Variants in MID1 observed in about 807,000 individuals in gnomAD.
MID1 encodes the protein E3 ubiquitin-protein ligase Midline-1.
MID1 carries 7 observed loss-of-function variants against 40.4 expected under a neutral mutation model. The ratio of observed to expected loss-of-function variants is 0.17; its 90% CI spans 0.10 to 0.33. The LOEUF (loss-of-function observed/expected upper bound fraction) is 0.33. MID1 is among the 10% of genes least tolerant of loss of function. MID1 has a pLI of 1.00. For synonymous variants in MID1, 229 were observed against 221.2 expected (o/e 1.04, Z -0.31); for missense variants, 367 against 558.5 (o/e 0.66, Z 3.46).
chrX:10,816,447 T>C (rs1388426843), intron 1 of MID1, among the ~76,000 whole-genome samples: 1 of 112,198 alleles, frequency 8.9e-6, no homozygotes, highest in Non-Finnish European at 1.9e-5. Context: ...GCCTAATAAA[T>C]AGGTGTCTAA....
intron 1 of MID1, among the ~76,000 whole-genome samples, chrX:10,829,242 G>C (rs1294751502): frequency 8.9e-6 from 1 of 112,093 alleles, no homozygotes; most frequent in Non-Finnish European, 1.9e-5. Context: ...CAGAACAATA[G>C]CTATAAATAA....
intron 8 of MID1, among the ~76,000 whole-genome samples, chrX:10,458,422 G>A (rs751691978): frequency 9.9e-5 from 11 of 111,628 alleles, no homozygotes; most frequent in African/African-American, 3.6e-4. Flanking sequence ...AACATTAGTG[G>A]AAAGCTGGTA....
At chrX:10,771,443 T>A (rs182490179) in intron 1 of MID1, among the ~76,000 whole-genome samples, 1 of 110,957 alleles carries the variant, frequency 9.0e-6, no homozygotes, top group Admixed American at 9.6e-5. Flanking sequence ...CAATTTCTTC[T>A]GTTGCTGTCT....
chrX:10,741,077 G>A (rs879216984), intron 1 of MID1, among the ~76,000 whole-genome samples: 5 of 111,875 alleles, frequency 4.5e-5, no homozygotes, highest in African/African-American at 9.7e-5. Context: ...CATTGTGATC[G>A]TGCAAAGGAG....
intron 1 of MID1, among the ~76,000 whole-genome samples, chrX:10,574,083 T>C (rs912294847): frequency 9.0e-6 from 1 of 111,595 alleles, no homozygotes; most frequent in African/African-American, 3.3e-5. Flanking sequence ...GTGAATATTT[T>C]AGGTTATAGA....
chrX:10,717,610 C>A (rs550692472), intron 1 of MID1, among the ~76,000 whole-genome samples: 1 of 109,970 alleles, frequency 9.1e-6, no homozygotes, highest in East Asian at 2.9e-4. Context: ...GACTTTAACA[C>A]CCCACTGTCA....
At chrX:10,524,401 T>TAAA (rs112846166) in intron 2 of MID1, among the ~76,000 whole-genome samples, 5 of 105,784 alleles carry the variant, frequency 4.7e-5, no homozygotes, top group African/African-American at 1.7e-4. Flanking sequence ...GCTGATGAGC[T>TAAA]AAAAAAAAAA....
At chrX:10,501,546 T>C (rs766674547) in intron 3 of MID1, 1 of 1,152,068 alleles carries the variant, frequency 8.7e-7, no homozygotes, top group Non-Finnish European at 1.1e-6. Flanking sequence ...AATGACTTTC[T>C]GATCCTTTAC....
intron 1 of MID1, among the ~76,000 whole-genome samples, chrX:10,805,052 T>C (rs2147147833): frequency 9.0e-6 from 1 of 110,544 alleles, no homozygotes. Flanking sequence ...AGTTTTTTTT[T>C]GTTGTTGTTG....
chrX:10,613,438 C>T (rs1270127389), intron 1 of MID1, among the ~76,000 whole-genome samples: 1 of 108,757 alleles, frequency 9.2e-6, no homozygotes, highest in Admixed American at 1.0e-4. Flanking sequence ...CTCTCAGACA[C>T]GCTATCTCAG....
intron 1 of MID1, among the ~76,000 whole-genome samples, chrX:10,745,915 A>T (rs1397165825): frequency 8.9e-6 from 1 of 112,660 alleles, no homozygotes; most frequent in East Asian, 2.8e-4. Flanking sequence ...TCTGTGTGTT[A>T]CACTGGGTTG....
chrX:10,732,939 C>T (rs1186100806), intron 1 of MID1, among the ~76,000 whole-genome samples: 9 of 104,731 alleles, frequency 8.6e-5, no homozygotes, highest in African/African-American at 3.1e-4. Context: ...TCTCCGCTCA[C>T]TGCAACCTCC....
chrX:10,526,292 T>TAAC (rs371728204), intron 2 of MID1, among the ~76,000 whole-genome samples: 1,940 of 110,240 alleles, frequency 0.018, 21 homozygotes, highest in Middle Eastern at 0.047. Context: ...AACTTGCTTT[T>TAAC]AACAACAACA....
intron 1 of MID1, among the ~76,000 whole-genome samples, chrX:10,722,812 C>T (rs2043366053): frequency 8.9e-6 from 1 of 112,026 alleles, no homozygotes; most frequent in East Asian, 2.8e-4. Flanking sequence ...ACTGCAGAAG[C>T]TGCTGCCTCT....
chrX:10,466,728 T>C (rs994957869), intron 7 of MID1, among the ~76,000 whole-genome samples: 2 of 112,021 alleles, frequency 1.8e-5, no homozygotes, highest in African/African-American at 3.2e-5. Flanking sequence ...TTAGTGATCA[T>C]AGATTAACTT....
At chrX:10,508,756 T>C (rs1325763152) in intron 3 of MID1, among the ~76,000 whole-genome samples, 1 of 111,870 alleles carries the variant, frequency 8.9e-6, no homozygotes, top group African/African-American at 3.2e-5. Context: ...ACAGTGGGCA[T>C]GCATCTTGAA....
At chrX:10,730,906 T>C (rs748873640) in intron 1 of MID1, among the ~76,000 whole-genome samples, 2 of 111,615 alleles carry the variant, frequency 1.8e-5, no homozygotes, top group Admixed American at 1.9e-4. Flanking sequence ...AATCACATCT[T>C]ATTGGAAATT....
chrX:10,585,264 G>C (rs185022275), intron 1 of MID1, among the ~76,000 whole-genome samples: 1 of 110,082 alleles, frequency 9.1e-6, no homozygotes, highest in Admixed American at 9.6e-5. Context: ...AATATGAGAG[G>C]GTCTGTCTCT....
intron 1 of MID1, among the ~76,000 whole-genome samples, chrX:10,706,296 T>A (rs2043231109): frequency 9.0e-6 from 1 of 110,856 alleles, no homozygotes; most frequent in Non-Finnish European, 1.9e-5. Flanking sequence ...GCAAGGGAAA[T>A]CTAGGGTCTC....
Sources: allele counts gnomAD v4.1 joint callset (sites outside exome capture counted in the v4.1 genomes callset), GRCh38; gene constraint gnomAD v4.1.1; transcripts MANE v1.5; gene names NCBI Gene and HGNC (gene_info 2026-07-23, HGNC 2026-07-21).